Variants in FRS2 observed in about 807,000 individuals in gnomAD.
FRS2 encodes FGFR signalling adaptor.
In FRS2, 8 loss-of-function variants were observed where a neutral mutation model predicts 43.9. The ratio of observed to expected loss-of-function variants is 0.18; its 90% confidence interval spans 0.11 to 0.33. The LOEUF is 0.33. Among genes scored for constraint, FRS2 ranks in the 10% least tolerant of loss-of-function variants. The probability of loss-of-function intolerance (pLI) is 1.00; values close to 1 mark genes in which losing one functional copy is unlikely to be tolerated. For synonymous variants in FRS2, 219 were observed against 220.3 expected, an observed-to-expected ratio of 0.99 and a Z score of 0.05; for missense variants, 534 against 627.6, an observed-to-expected ratio of 0.85 and a Z score of 1.59.
intron 1 of FRS2, among the ~76,000 whole-genome samples, chr12:69,518,873 G>A (rs780820130): frequency 3.3e-5 from 5 of 151,928 alleles, no homozygotes; most frequent in Non-Finnish European, 7.4e-5. Context: ...AAGTAGCCAG[G>A]TGTGGTGGTG....
At chr12:69,551,155 C>T (rs1047777348) in intron 3 of FRS2, among the ~76,000 whole-genome samples, 9 of 152,082 alleles carry the variant, frequency 5.9e-5, no homozygotes, top group Non-Finnish European at 1.3e-4. Context: ...AGTTCTAGAC[C>T]CCTTGGGCAA....
intron 1 of FRS2, among the ~76,000 whole-genome samples, chr12:69,480,525 C>T (rs890466004): frequency 2.0e-5 from 3 of 152,096 alleles, no homozygotes; most frequent in African/African-American, 4.8e-5. Flanking sequence ...CTCTTCATAG[C>T]GGCGATCATA....
intron 6 of FRS2, 75 bp from the exon 7 acceptor site, chr12:69,571,198 TCTG>T: frequency 7.0e-6 from 6 of 858,676 alleles, no homozygotes; most frequent in Non-Finnish European, 9.1e-6. Context: ...ACTTTACAAT[TCTG>T]CTGTTTGTCA....
At position 69,577,664 on chromosome 12, in the gene FRS2, A is replaced by C. The variant is rs987839706; in HGVS notation, c.*2709A>C. On this transcript the variant is annotated 3_prime_UTR_variant, in exon 9 of 9. Transcript: ENST00000549921. ...TCCCATGCTAGGGTTGGAAACTGAT[A>C]TTGGTATTACTTGTGTTTTTTCTTA... The C allele has an allele frequency of 2.0e-5, 3 of 152,554 alleles. No individual in the cohort carries two copies. Among genetic ancestry groups the C allele is most frequent in the African/African-American group, 7.2e-5 (3 of 41,416 alleles). The allele number at this position is 152,554 out of a possible 1,614,324, so 9.5% of individuals were successfully genotyped here.
At chr12:69,520,646 AT>A (rs1238253970) in intron 1 of FRS2, among the ~76,000 whole-genome samples, 1 of 152,036 alleles carries the variant, frequency 6.6e-6, no homozygotes, top group Non-Finnish European at 1.5e-5. Flanking sequence ...GCTATCAGTT[AT>A]CCTAGCACCA....
intron 1 of FRS2, among the ~76,000 whole-genome samples, chr12:69,514,666 C>G (rs1051126003): frequency 1.1e-4 from 16 of 152,186 alleles, no homozygotes; most frequent in Middle Eastern, 3.4e-3. Flanking sequence ...AACCCCATCT[C>G]TACTAAAAAT....
chr12:69,497,585 T>C (rs1261935467), intron 1 of FRS2, among the ~76,000 whole-genome samples: 1 of 152,114 alleles, frequency 6.6e-6, no homozygotes, highest in Non-Finnish European at 1.5e-5. Flanking sequence ...TTGTTTTGGG[T>C]ACTAGGTTTT....
chr12:69,474,688 G>T (rs1173083182), intron 1 of FRS2, among the ~76,000 whole-genome samples: 1 of 152,180 alleles, frequency 6.6e-6, no homozygotes, highest in Non-Finnish European at 1.5e-5. Context: ...TTCATCCAGA[G>T]TGTCAGATTT....
chr12:69,563,559 C>T (rs1289884552), intron 4 of FRS2, among the ~76,000 whole-genome samples: 1 of 152,226 alleles, frequency 6.6e-6, no homozygotes, highest in African/African-American at 2.4e-5. Flanking sequence ...CTCTTACCCT[C>T]TGACCGTGGG....
intron 1 of FRS2, among the ~76,000 whole-genome samples, chr12:69,505,687 G>C (rs1273576833): frequency 6.6e-6 from 1 of 152,202 alleles, no homozygotes; most frequent in Non-Finnish European, 1.5e-5. Context: ...ATATCCTAGG[G>C]CTGAGAATAG....
intron 8 of FRS2, among the ~76,000 whole-genome samples, chr12:69,573,455 T>C (rs192083801): frequency 6.6e-6 from 1 of 152,282 alleles, no homozygotes; most frequent in East Asian, 1.9e-4. Context: ...AATATAATGT[T>C]GCATGTTATT....
intron 1 of FRS2, among the ~76,000 whole-genome samples, chr12:69,497,380 A>G (rs1279762748): frequency 2.0e-5 from 3 of 152,190 alleles, no homozygotes; most frequent in Non-Finnish European, 4.4e-5. Flanking sequence ...TGGGAAGTTC[A>G]AGTGACCAGT....
Position 69,578,884 on chromosome 12 carries a change from AC to A in FRS2, c.*3934del, listed in dbSNP as rs1371878939. 3 of 152,718 alleles carry A rather than the reference AC, an allele frequency of 2.0e-5. No homozygotes were observed. Among genetic ancestry groups the A allele is most frequent in the Admixed American group, 2.0e-4 (3 of 15,280 alleles). 9.5% of individuals were successfully genotyped at this position (152,718 alleles called of 1,614,324 possible). A position where few individuals can be genotyped will look rare whatever the true frequency, so the allele number is the denominator to read the frequency against. ...AAATTGTATATGAAATATGAATTTTACCCCCATGGTTAATTTCTTTTATAAA... is the reference window on the plus strand; with the variant it reads ...AAATTGTATATGAAATATGAATTTTACCCCATGGTTAATTTCTTTTATAAA... On this transcript the variant is annotated 3_prime_UTR_variant, in exon 9 of 9. Transcript: ENST00000549921.
chr12:69,490,121 C>T (rs1193986033), intron 1 of FRS2, among the ~76,000 whole-genome samples: 1 of 151,966 alleles, frequency 6.6e-6, no homozygotes, highest in Non-Finnish European at 1.5e-5. Flanking sequence ...CTTTATGTTA[C>T]CGTTATGTAT....
chr12:69,565,564 A>C (rs1880222221), intron 4 of FRS2, among the ~76,000 whole-genome samples: 1 of 152,004 alleles, frequency 6.6e-6, no homozygotes, highest in Admixed American at 6.6e-5. Context: ...ATCCTTTAAG[A>C]TTTTTTTCTG....
chr12:69,571,657 C>G (rs764333688), intron 7 of FRS2, among the ~76,000 whole-genome samples: 1 of 151,984 alleles, frequency 6.6e-6, no homozygotes, highest in Admixed American at 6.5e-5. Context: ...GTCAGGAGAT[C>G]GAGACCATCT....
chr12:69,493,227 T>C (rs1444816935), intron 1 of FRS2, among the ~76,000 whole-genome samples: 2 of 152,332 alleles, frequency 1.3e-5, no homozygotes, highest in East Asian at 1.9e-4. Flanking sequence ...TAACACACTT[T>C]GGGTATGCTT....
At chr12:69,506,131 A>G (rs931393043) in intron 1 of FRS2, among the ~76,000 whole-genome samples, 1 of 152,216 alleles carries the variant, frequency 6.6e-6, no homozygotes, top group Non-Finnish European at 1.5e-5. Context: ...CTTGCAAGAC[A>G]TGCTTATATT....
At position 69,500,029 on chromosome 12, in the gene FRS2, G is replaced by A. The variant is rs546976780; in HGVS notation, c.-261+29499G>A. Among the ~76,000 whole-genome samples the A allele has an allele frequency of 1.2e-3, 188 of 152,170 alleles. 3 individuals carry two copies. The South Asian group carries it at 0.038, about 31-fold the overall frequency. On this transcript the variant is annotated intron_variant, in intron 1 of 8. Transcript: ENST00000549921. ...AGTTATTTCCTTAATATCTTTAAAT[G>A]ACTCTTTTCCTTAAATACATTTATT...
Sources: allele counts gnomAD v4.1 joint callset (sites outside exome capture counted in the v4.1 genomes callset), GRCh38; gene constraint gnomAD v4.1.1; transcripts MANE v1.5; gene names NCBI Gene and HGNC (gene_info 2026-07-23, HGNC 2026-07-21).